Variants in PDE3B observed in about 807,000 individuals in gnomAD.
PDE3B encodes phosphodiesterase 3B, also known as cGMP-inhibited 3',5'-cyclic phosphodiesterase 3B.
In PDE3B, 66 loss-of-function variants were observed where a neutral mutation model predicts 116.8. The observed-to-expected ratio is 0.56, with a 90% CI of 0.46 to 0.69. The LOEUF is 0.69. Ranked by LOEUF, PDE3B falls within the 30% of genes least tolerant of loss-of-function variation. PDE3B has a pLI of 0.00. For missense variants in PDE3B, 1,384 were observed against 1,368.1 expected (o/e 1.01, Z -0.18); for synonymous variants, 595 against 533.6 (o/e 1.12, Z -1.59).
intron 1 of PDE3B, among the ~76,000 whole-genome samples, chr11:14,749,362 T>G (rs1354438129): frequency 2.0e-5 from 3 of 152,210 alleles, no homozygotes; most frequent in African/African-American, 7.2e-5. Context: ...ATGCAGGTAC[T>G]GATCCAATGA....
At chr11:14,736,418 A>G (rs760806235) in intron 1 of PDE3B, among the ~76,000 whole-genome samples, 9 of 152,240 alleles carry the variant, frequency 5.9e-5, no homozygotes, top group African/African-American at 1.2e-4. Context: ...CAAAGAAAAG[A>G]AAACCTCTTT....
chr11:14,842,598 G>T (rs1354525435), intron 11 of PDE3B, among the ~76,000 whole-genome samples: 2 of 152,042 alleles, frequency 1.3e-5, no homozygotes, highest in Admixed American at 6.6e-5. Context: ...CTCTAAGCCG[G>T]TGTAGTGGTA....
chr11:14,799,614 T>C (rs1476655489), intron 4 of PDE3B, among the ~76,000 whole-genome samples: 1 of 152,210 alleles, frequency 6.6e-6, no homozygotes, highest in Non-Finnish European at 1.5e-5. Context: ...ATCTCGGTGC[T>C]CTTATATTGG....
chr11:14,695,438 A>C (rs556961686), intron 1 of PDE3B, among the ~76,000 whole-genome samples: 1 of 152,234 alleles, frequency 6.6e-6, no homozygotes, highest in Admixed American at 6.5e-5. Context: ...TTTGGTAGAC[A>C]TATGTACTAA....
intron 4 of PDE3B, among the ~76,000 whole-genome samples, chr11:14,796,023 C>CGA (rs1858540562): frequency 1.3e-5 from 2 of 152,152 alleles, no homozygotes; most frequent in African/African-American, 4.8e-5. Context: ...TATCCCTCCT[C>CGA]TAGTCCCCCA....
At chr11:14,667,647 A>G (rs995752910) in intron 1 of PDE3B, among the ~76,000 whole-genome samples, 3 of 147,510 alleles carry the variant, frequency 2.0e-5, no homozygotes, top group Non-Finnish European at 4.5e-5. Flanking sequence ...ATGAGAACAC[A>G]TGGACACAGG....
chr11:14,860,261 A>T (rs1847922440), intron 13 of PDE3B, among the ~76,000 whole-genome samples: 2 of 152,166 alleles, frequency 1.3e-5, no homozygotes, highest in South Asian at 4.1e-4. Flanking sequence ...AAAGACTTCT[A>T]TTTTGAAGTC....
chr11:14,644,132 G>C lies in PDE3B; in HGVS notation c.57G>C (p.Gly19=). 1 of 1,587,008 alleles carries C rather than the reference G, an allele frequency of 6.3e-7. No homozygotes were observed. The highest frequency in any genetic ancestry group is 8.5e-7 in the Non-Finnish European group (1 of 1,174,866). The change falls in exon 1 of 16, where the codon GGG becomes GGC. Residue 19 remains glycine, a synonymous_variant. Coordinates refer to ENST00000282096, the MANE Select transcript of PDE3B (RefSeq NM_000922.4). The part of the protein sequence containing the change: ...KAMRSLQPPD[G]AGSPPESLRN... ...TGCGGTCCCTGCAGCCGCCGGATGG[G>C]GCCGGCTCGCCCCCCGAGAGTCTGA...
chr11:14,830,793 C>A lies in PDE3B; in HGVS notation c.1903C>A (p.Gln635Lys). ...GAAGAAAGACAGCAGAAAATTATTT[C>A]AGGAAGGTGATAAGTGGCTAACAGA... is the stretch of plus-strand genomic sequence containing the variant. ...TEKKDSRKLF[Q>K]EGDKWLTEEA... The change falls in exon 8 of 16, where the codon CAG becomes AAG. Residue 635 changes from glutamine to lysine, a missense_variant. Physicochemically the swap from Gln to Lys is moderately conservative, Grantham distance 53 (BLOSUM62 1). Coordinates refer to ENST00000282096, the MANE Select transcript of PDE3B (RefSeq NM_000922.4). 1 of 1,539,154 alleles carries A rather than the reference C, an allele frequency of 6.5e-7. No individual in the cohort carries two copies. Among genetic ancestry groups the A allele is most frequent in the South Asian group, 1.3e-5 (1 of 78,722 alleles).
chr11:14,786,791 C>T lies in PDE3B; in HGVS notation c.1278+106C>T, dbSNP rs906256299. On this transcript the variant is annotated intron_variant, in intron 3 of 15. Transcript: ENST00000282096. ...AGAATACAATTTTCGTTTCAAGGAT[C>T]AGACATAATATTGAGCTGCTTGGGA... is the stretch of plus-strand genomic sequence containing the variant. The T allele has an allele frequency of 3.2e-5, 28 of 872,020 alleles. 2 individuals are homozygous for T. Among genetic ancestry groups the T allele is most frequent in the East Asian group, 1.0e-4 (4 of 38,666 alleles). 54.0% of individuals were successfully genotyped at this position (872,020 alleles called of 1,614,324 possible).
downstream of PDE3B, among the ~76,000 whole-genome samples, chr11:14,876,730 G>A (rs1482533591): frequency 6.6e-6 from 1 of 152,168 alleles, no homozygotes; most frequent in African/African-American, 2.4e-5. Flanking sequence ...AAGCACATGT[G>A]CTCCATGAGC....
chr11:14,879,990 C>G, the PDE3B span: 2 of 797,298 alleles, frequency 2.5e-6, no homozygotes, highest in African/African-American at 1.8e-5. Flanking sequence ...TTTGAAAACT[C>G]TTTTTTGTAA....
In PDE3B at chr11:14,702,670, G is replaced by C. The variant is rs184466396; in HGVS notation, c.978+57617G>C. ...TTAAAATTAAAATGAATGAAATTAA[G>C]TAAAATTAGAGATTCAGTTTGCATT... is the stretch of plus-strand genomic sequence containing the variant. On this transcript the variant is annotated intron_variant, in intron 1 of 15. Transcript: ENST00000282096. Among the ~76,000 whole-genome samples, 64 of 151,948 alleles carry C rather than the reference G, an allele frequency of 4.2e-4. No individual in the cohort carries two copies. The East Asian group carries it at 0.011, about 27-fold the overall frequency.
At chr11:14,753,781 T>C (rs1462167854) in intron 1 of PDE3B, among the ~76,000 whole-genome samples, 1 of 152,120 alleles carries the variant, frequency 6.6e-6, no homozygotes, top group East Asian at 1.9e-4. Flanking sequence ...CAACTTAAAA[T>C]TGTTACTTTT....
intron 1 of PDE3B, among the ~76,000 whole-genome samples, chr11:14,766,557 G>A (rs1488681522): frequency 6.6e-6 from 1 of 151,456 alleles, no homozygotes; most frequent in East Asian, 1.9e-4. Context: ...ACACTGAAAA[G>A]ATGTATACTC....
At chr11:14,654,158 T>A (rs1304235831) in intron 1 of PDE3B, among the ~76,000 whole-genome samples, 1 of 152,094 alleles carries the variant, frequency 6.6e-6, no homozygotes, top group African/African-American at 2.4e-5. Context: ...GTCTGTAAAA[T>A]AGCATTTTAA....
intron 1 of PDE3B, among the ~76,000 whole-genome samples, chr11:14,758,417 T>G (rs552958215): frequency 2.5e-4 from 36 of 142,494 alleles, no homozygotes; most frequent in African/African-American, 8.5e-4. Context: ...TTCACGATAT[T>G]GATTCTTCCT....
intron 1 of PDE3B, among the ~76,000 whole-genome samples, chr11:14,753,287 G>T (rs1032106552): frequency 1.3e-5 from 2 of 152,086 alleles, no homozygotes; most frequent in African/African-American, 2.4e-5. Flanking sequence ...GATAAAGAAG[G>T]CCAGGAATAT....
chr11:14,652,128 T>G (rs1243829394), intron 1 of PDE3B, among the ~76,000 whole-genome samples: 1 of 152,318 alleles, frequency 6.6e-6, no homozygotes. Context: ...CATTTTGAGT[T>G]AATTTTTGTA....
Sources: gnomAD v4.1 joint callset for allele counts (sites outside exome capture counted in the v4.1 genomes callset) on GRCh38, gnomAD v4.1.1 for gene constraint, MANE v1.5 for transcripts, NCBI Gene and HGNC (gene_info 2026-07-23, HGNC 2026-07-21) for gene names.